The following SYNPO2 variants were observed in gnomAD, a reference collection of about 807,000 sequenced individuals.
The protein encoded by SYNPO2 is synaptopodin 2.
A neutral mutation model predicts 85.0 loss-of-function variants in SYNPO2; 56 were observed. The observed-to-expected ratio is 0.66, with a 90% confidence interval of 0.53 to 0.82. The LOEUF is 0.82. SYNPO2 is among the 40% of genes least tolerant of loss of function. SYNPO2 has a pLI of 0.00. For synonymous variants in SYNPO2, 602 were observed against 591.1 expected (o/e 1.02, Z -0.27); for missense variants, 1,575 against 1,534.2 (o/e 1.03, Z -0.44).
chr4:118,980,638 AAT>A (rs1321234439), intron 1 of SYNPO2, among the ~76,000 whole-genome samples: 1 of 152,276 alleles, frequency 6.6e-6, no homozygotes, highest in Non-Finnish European at 1.5e-5. Context: ...GAACTTGATT[AAT>A]AAGTGTCAGC....
chr4:119,000,307 C>T (rs921858161), intron 1 of SYNPO2, among the ~76,000 whole-genome samples: 2 of 152,206 alleles, frequency 1.3e-5, no homozygotes, highest in African/African-American at 4.8e-5. Context: ...ACTGAGATAA[C>T]CTGTCCTTCA....
At chr4:119,009,092 C>A (rs138089372) in intron 1 of SYNPO2, among the ~76,000 whole-genome samples, 2 of 152,288 alleles carry the variant, frequency 1.3e-5, no homozygotes, top group East Asian at 3.9e-4. Context: ...ACCAGAATTT[C>A]AATGTGTTGT....
chr4:119,001,411 A>G (rs923488027), intron 1 of SYNPO2, among the ~76,000 whole-genome samples: 1 of 152,220 alleles, frequency 6.6e-6, no homozygotes, highest in African/African-American at 2.4e-5. Context: ...TTAAGTAGAT[A>G]CTCATTGTTA....
chr4:119,045,795 C>T (rs1220604963), intron 4 of SYNPO2, among the ~76,000 whole-genome samples: 1 of 152,194 alleles, frequency 6.6e-6, no homozygotes, highest in East Asian at 1.9e-4. Flanking sequence ...ATCCCAACTA[C>T]TTAAATAGAA....
At chr4:119,007,233 T>TATATGTATATAC (rs1737076834) in intron 1 of SYNPO2, among the ~76,000 whole-genome samples, 1 of 42,090 alleles carries the variant, frequency 2.4e-5, no homozygotes, top group African/African-American at 9.9e-5. Context: ...TATATATATA[T>TATATGTATATAC]ATATATATAT....
intron 1 of SYNPO2, among the ~76,000 whole-genome samples, chr4:118,955,959 T>A (rs1011260819): frequency 6.6e-6 from 1 of 152,054 alleles, no homozygotes; most frequent in African/African-American, 2.4e-5. Context: ...AGATATGTGT[T>A]AAATAAATAA....
chr4:119,007,098 C>G (rs1737057606), intron 1 of SYNPO2, among the ~76,000 whole-genome samples: 1 of 149,466 alleles, frequency 6.7e-6, no homozygotes, highest in South Asian at 2.1e-4. Flanking sequence ...GGCTTACAAA[C>G]AATTCTCTCC....
intron 1 of SYNPO2, among the ~76,000 whole-genome samples, chr4:118,976,847 A>G (rs1015936367): frequency 6.6e-6 from 1 of 152,194 alleles, no homozygotes; most frequent in African/African-American, 2.4e-5. Flanking sequence ...TCACCAGAGC[A>G]GCTAGATACA....
chr4:118,862,068 T>C (rs1731620954), intron 1 of SYNPO2, among the ~76,000 whole-genome samples: 1 of 152,222 alleles, frequency 6.6e-6, no homozygotes. Context: ...ACTTTTTTGG[T>C]TGATTGCTAG....
In SYNPO2 at chr4:119,061,189, G is replaced by C. The variant is rs1739402670; in HGVS notation, c.*3255G>C. On this transcript the variant is annotated 3_prime_UTR_variant, in exon 5 of 5. Coordinates refer to ENST00000307142, the MANE Select transcript of SYNPO2 (RefSeq NM_133477.3). ...CTGTTTATCACAAAAGACTGTATTT[G>C]AAATATGCATACGGAAAATTGAAAT... is the stretch of plus-strand genomic sequence containing the variant. 6.6e-6 allele frequency: 1 copy of C among 152,194 alleles called. No homozygotes were observed. Among genetic ancestry groups the C allele is most frequent in the African/African-American group, 2.4e-5 (1 of 41,544 alleles). 9.4% of individuals were successfully genotyped at this position (152,194 alleles called of 1,614,324 possible).
At chr4:119,010,793 A>T (rs1737268700) in intron 1 of SYNPO2, among the ~76,000 whole-genome samples, 1 of 152,226 alleles carries the variant, frequency 6.6e-6, no homozygotes. Flanking sequence ...CATTAAAGAC[A>T]ATCAGTTAAT....
rs1739274843 is a variant in SYNPO2, at chr4:119,058,093, T to C, written c.*159T>C. ...TTGTGTTTCTGTGTGTGTGTGTGTG[T>C]GTGTATGTATGTGAATATACACACA... is the stretch of plus-strand genomic sequence containing the variant. On this transcript the variant is annotated 3_prime_UTR_variant, in exon 5 of 5. Transcript: ENST00000307142. 1.6e-5 allele frequency: 10 copies of C among 643,296 alleles called. No homozygotes were observed. The highest frequency in any genetic ancestry group is 2.6e-5 in the Non-Finnish European group (10 of 383,954). 39.8% of individuals were successfully genotyped at this position (643,296 alleles called of 1,614,324 possible).
Position 119,057,785 on chromosome 4 carries a change from T to A in SYNPO2, c.3637T>A (p.Tyr1213Asn). The A allele has an allele frequency of 6.2e-7, 1 of 1,614,046 alleles. No homozygotes were observed. The highest frequency in any genetic ancestry group is 8.5e-7 in the Non-Finnish European group (1 of 1,180,004). The change falls in exon 5 of 5, where the codon TAT becomes AAT. Residue 1213 changes from tyrosine (Y) to asparagine (N), a missense_variant. By Grantham distance (143) the Tyr-to-Asn change is moderately radical. Around this residue, in one of 3 missense-constraint regions of SYNPO2, gnomAD observed 1,508 missense variants for 1,446.8 expected, o/e 1.04. Coordinates refer to ENST00000307142, the MANE Select transcript of SYNPO2 (RefSeq NM_133477.3). Reference sequence around the variant, plus strand: ...TAATAATATGTCCACCACCTCCCAATATGGTTCACAGTTGCCATATGCATA... The same window carrying A: ...TAATAATATGTCCACCACCTCCCAAAATGGTTCACAGTTGCCATATGCATA... ...ANNNMSTTSQ[Y>N]GSQLPYAYYR...
chr4:119,029,506 C>A (rs965015031), intron 3 of SYNPO2, among the ~76,000 whole-genome samples: 7 of 151,942 alleles, frequency 4.6e-5, no homozygotes, highest in African/African-American at 1.5e-4. Flanking sequence ...AAATTATGTC[C>A]TTCTTAATTC....
chr4:118,947,460 G>T (rs1483627828), intron 1 of SYNPO2, among the ~76,000 whole-genome samples: 1 of 152,162 alleles, frequency 6.6e-6, no homozygotes, highest in Non-Finnish European at 1.5e-5. Context: ...TCCTCTTGAA[G>T]TGCAGAGGAG....
intron 1 of SYNPO2, among the ~76,000 whole-genome samples, chr4:118,952,513 G>C (rs919519295): frequency 2.0e-5 from 3 of 152,038 alleles, no homozygotes; most frequent in African/African-American, 7.2e-5. Flanking sequence ...ATGAATTCAA[G>C]TTACTTGTAA....
chr4:119,057,463 T>C lies in SYNPO2; in HGVS notation c.3315T>C (p.Pro1105=). 6.2e-7 allele frequency: 1 copy of C among 1,613,982 alleles called. No homozygotes were observed. The highest frequency in any genetic ancestry group is 8.5e-7 in the Non-Finnish European group (1 of 1,179,986). Residue 1105 remains proline (P), a synonymous_variant, in exon 5 of 5, where the codon CCT becomes CCC. Transcript: ENST00000307142. The part of the protein sequence containing the change: ...RSVPPPISTS[P]WVYQPTYSYS... ...TCCCACCCCCCATTTCTACATCTCC[T>C]TGGGTATACCAGCCTACTTATAGTT... is the stretch of plus-strand genomic sequence containing the variant.
rs143396615 is a variant in SYNPO2, at chr4:118,942,113, T to C, written c.105+52972T>C. Among the ~76,000 whole-genome samples the C allele has an allele frequency of 4.1e-3, 629 of 152,296 alleles. 3 individuals are homozygous for C. The highest frequency in any genetic ancestry group is 0.014 in the African/African-American group (573 of 41,560). On this transcript the variant is annotated intron_variant, in intron 1 of 4. Transcript: ENST00000307142. ...ATACTGGACGGCAAGTTATTTATCA[T>C]ATTAGGAATTAACTAGCTCTGGGAA... is the stretch of plus-strand genomic sequence containing the variant.
At chr4:119,022,669 T>TTATTTTAATTGTATTTTATTTTATTTTA (rs1737773414) in intron 1 of SYNPO2, among the ~76,000 whole-genome samples, 16 of 126,614 alleles carry the variant, frequency 1.3e-4, no homozygotes, top group Admixed American at 1.2e-3. Context: ...ATTATTTATT[T>TTATTTTAATTGTATTTTATTTTATTTTA]TATTTTATTT....
Sources: allele counts gnomAD v4.1 joint callset (sites outside exome capture counted in the v4.1 genomes callset), GRCh38; gene constraint gnomAD v4.1.1; regional missense constraint gnomAD v4.1.1; transcripts MANE v1.5; gene names NCBI Gene and HGNC (gene_info 2026-07-23, HGNC 2026-07-21).